PDE4D: variants seen among roughly 807,000 people sequenced by gnomAD.
The protein encoded by PDE4D is 3',5'-cyclic-AMP phosphodiesterase 4D.
In PDE4D, 24 loss-of-function variants were observed where a neutral mutation model predicts 87.4. The observed-to-expected ratio is 0.27, with a 90% CI of 0.20 to 0.39. PDE4D has a LOEUF of 0.39. Among genes scored for constraint, PDE4D ranks in the 10% least tolerant of loss-of-function variants. The pLI, the probability that PDE4D is intolerant of heterozygous loss-of-function variation, is 1.00. For synonymous variants in PDE4D, 384 were observed against 383.2 expected (o/e 1.00, Z -0.02); for missense variants, 714 against 1,041.0 (o/e 0.69, Z 4.32).
intron 1 of PDE4D, among the ~76,000 whole-genome samples, chr5:60,403,524 C>T (rs989037458): frequency 2.6e-5 from 4 of 152,360 alleles, no homozygotes; most frequent in Non-Finnish European, 5.9e-5. Flanking sequence ...ATGACCTCTT[C>T]CCCTGTATTC....
At chr5:59,473,926 T>G (rs946638694) in intron 1 of PDE4D, among the ~76,000 whole-genome samples, 1 of 152,162 alleles carries the variant, frequency 6.6e-6, no homozygotes, top group Non-Finnish European at 1.5e-5. Context: ...GCAGCAACAT[T>G]GCAACTGTGC....
At chr5:60,091,922 G>T (rs573630479) in intron 2 of PDE4D, among the ~76,000 whole-genome samples, 1 of 151,164 alleles carries the variant, frequency 6.6e-6, no homozygotes, top group Non-Finnish European at 1.5e-5. Context: ...ATGGTGGCGC[G>T]TGCCTGTAGT....
At chr5:59,740,102 A>G (rs1029782598) in intron 1 of PDE4D, among the ~76,000 whole-genome samples, 2 of 152,166 alleles carry the variant, frequency 1.3e-5, no homozygotes, top group Non-Finnish European at 2.9e-5. Context: ...AAAAGTAGAA[A>G]ATACTTTATT....
chr5:59,229,132 C>G (rs1055680576), intron 1 of PDE4D, among the ~76,000 whole-genome samples: 2 of 152,078 alleles, frequency 1.3e-5, no homozygotes, highest in African/African-American at 2.4e-5. Flanking sequence ...ATAAGCTCCA[C>G]AAGTGCAGAG....
intron 5 of PDE4D, among the ~76,000 whole-genome samples, chr5:59,067,164 G>A (rs1438177020): frequency 7.3e-6 from 1 of 136,774 alleles, no homozygotes; most frequent in Non-Finnish European, 1.6e-5. Flanking sequence ...ACAGGTGCTT[G>A]TGACCACATT....
At chr5:59,248,327 T>C (rs796988803) in intron 1 of PDE4D, among the ~76,000 whole-genome samples, 4 of 151,616 alleles carry the variant, frequency 2.6e-5, no homozygotes, top group Non-Finnish European at 4.4e-5. Flanking sequence ...GGGCACACTA[T>C]TGCCAATATG....
chr5:59,885,660 T>C (rs1750036086), intron 1 of PDE4D, among the ~76,000 whole-genome samples: 1 of 152,194 alleles, frequency 6.6e-6, no homozygotes, highest in African/African-American at 2.4e-5. Context: ...ATTTACTCTG[T>C]AGAGGCACTT....
intron 1 of PDE4D, among the ~76,000 whole-genome samples, chr5:59,372,749 C>G (rs1784124510): frequency 2.0e-5 from 3 of 152,236 alleles, no homozygotes; most frequent in Admixed American, 2.0e-4. Flanking sequence ...TGGTGAACAT[C>G]TGCAAGGAGG....
chr5:59,372,360 T>C (rs1784067079), intron 1 of PDE4D, among the ~76,000 whole-genome samples: 1 of 152,232 alleles, frequency 6.6e-6, no homozygotes, highest in Admixed American at 6.5e-5. Context: ...GGACACATCT[T>C]TGAAAATAAT....
At chr5:58,987,968 C>T (rs1228031462) in intron 11 of PDE4D, among the ~76,000 whole-genome samples, 2 of 147,790 alleles carry the variant, frequency 1.4e-5, no homozygotes, top group Non-Finnish European at 3.0e-5. Context: ...GTGATGACTT[C>T]TTATAAGGTG....
intron 1 of PDE4D, among the ~76,000 whole-genome samples, chr5:59,831,506 C>T (rs994809874): frequency 3.3e-5 from 5 of 151,966 alleles, no homozygotes; most frequent in Non-Finnish European, 5.9e-5. Context: ...GTTTTACATG[C>T]GCTGTCTCCT....
intron 1 of PDE4D, among the ~76,000 whole-genome samples, chr5:60,421,439 C>T (rs1743089987): frequency 1.3e-5 from 2 of 152,306 alleles, no homozygotes; most frequent in Admixed American, 1.3e-4. Flanking sequence ...AACAGACCTG[C>T]AGCTGAGGGA....
chr5:59,782,689 T>C (rs796594622), intron 1 of PDE4D, among the ~76,000 whole-genome samples: 1 of 152,304 alleles, frequency 6.6e-6, no homozygotes, highest in African/African-American at 2.4e-5. Flanking sequence ...CTAGTATACA[T>C]TACATATGAT....
At chr5:59,157,186 G>A in intron 5 of PDE4D, 2 of 612,922 alleles carry the variant, frequency 3.3e-6, no homozygotes, top group Non-Finnish European at 5.8e-6. Context: ...TGAAGGGTTA[G>A]AATTTCCACC....
intron 1 of PDE4D, among the ~76,000 whole-genome samples, chr5:59,830,962 A>G (rs1254742381): frequency 6.6e-6 from 1 of 152,080 alleles, no homozygotes; most frequent in Non-Finnish European, 1.5e-5. Flanking sequence ...ACAGATAGCA[A>G]GAAGCTGTAA....
intron 1 of PDE4D, among the ~76,000 whole-genome samples, chr5:59,430,892 G>A (rs771609154): frequency 1.1e-4 from 17 of 152,076 alleles, no homozygotes; most frequent in Non-Finnish European, 2.2e-4. Flanking sequence ...TTTTCGAAGA[G>A]GGAATATTGT....
intron 1 of PDE4D, among the ~76,000 whole-genome samples, chr5:59,675,029 T>G (rs1191568375): frequency 6.6e-6 from 1 of 152,206 alleles, no homozygotes; most frequent in Admixed American, 6.5e-5. Context: ...CAACTACCTG[T>G]AACTAGATTT....
chr5:59,067,305 C>T (rs962580843), intron 5 of PDE4D, among the ~76,000 whole-genome samples: 3 of 152,068 alleles, frequency 2.0e-5, no homozygotes, highest in Admixed American at 6.6e-5. Flanking sequence ...GCATGAGCCA[C>T]TGTGCCTGGC....
At chr5:60,351,599 C>T (rs370367574) in intron 1 of PDE4D, among the ~76,000 whole-genome samples, 2 of 152,056 alleles carry the variant, frequency 1.3e-5, no homozygotes, top group Admixed American at 6.6e-5. Context: ...CCATGATGAC[C>T]TTGCAGAATT....
Sources: gnomAD v4.1 joint callset for allele counts (sites outside exome capture counted in the v4.1 genomes callset) on GRCh38, gnomAD v4.1.1 for gene constraint, MANE v1.5 for transcripts, NCBI Gene and HGNC (gene_info 2026-07-23, HGNC 2026-07-21) for gene names.